Variants in AKT3 observed in about 807,000 individuals in gnomAD.
AKT3 encodes RAC-gamma serine/threonine-protein kinase.
Under a neutral mutation model 65.3 loss-of-function variants are expected in AKT3, and 15 were observed. The observed-to-expected ratio is 0.23, with a 90% CI of 0.15 to 0.35. AKT3 has a LOEUF of 0.35. Ranked by LOEUF, AKT3 falls within the 10% of genes least tolerant of loss-of-function variation. The pLI, the probability that AKT3 is intolerant of heterozygous loss-of-function variation, is 1.00. For synonymous variants in AKT3, 206 were observed against 183.8 expected (o/e 1.12, Z -0.98); for missense variants, 243 against 576.5 (o/e 0.42, Z 5.92).
intron 3 of AKT3, among the ~76,000 whole-genome samples, chr1:243,677,651 G>A (rs1020635497): frequency 6.6e-5 from 10 of 151,990 alleles, no homozygotes; most frequent in Admixed American, 6.6e-4. Flanking sequence ...AGGAAAAGGT[G>A]AAAGGAGTAG....
At chr1:243,580,507 G>A (rs1005761935) in intron 8 of AKT3, among the ~76,000 whole-genome samples, 2 of 152,228 alleles carry the variant, frequency 1.3e-5, no homozygotes, top group African/African-American at 2.4e-5. Context: ...TGGCTGCACA[G>A]GCATGTCAGT....
rs6688559 is a variant in AKT3, at chr1:243,711,245, T to C, written c.47-15529A>G. Among the ~76,000 whole-genome samples, 192 of 152,188 alleles carry C rather than the reference T, an allele frequency of 1.3e-3. 2 individuals are homozygous for C. The highest frequency in any genetic ancestry group is 0.012 in the South Asian group (57 of 4,820). On this transcript the variant is annotated intron_variant, in intron 2 of 13. Transcript: ENST00000673466. ...GAGGCAGGAGAATCGCTTGAAACCC[T>C]TGAACCCAGGAGGTGGAGGTTGCAG...
intron 3 of AKT3, among the ~76,000 whole-genome samples, chr1:243,676,130 A>G (rs1240535472): frequency 6.6e-6 from 1 of 152,228 alleles, no homozygotes; most frequent in Non-Finnish European, 1.5e-5. Context: ...AATATGAAGA[A>G]AAATAAGGCA....
At chr1:243,834,204 CAT>C (rs1694737204) in intron 2 of AKT3, among the ~76,000 whole-genome samples, 1 of 152,068 alleles carries the variant, frequency 6.6e-6, no homozygotes, top group South Asian at 2.1e-4. Context: ...CATAAAGACA[CAT>C]GTACACATAT....
chr1:243,718,848 A>G (rs1189843719), intron 2 of AKT3, among the ~76,000 whole-genome samples: 2 of 152,186 alleles, frequency 1.3e-5, no homozygotes, highest in Non-Finnish European at 2.9e-5. Flanking sequence ...TCTATCCAAT[A>G]TTTTGCATGT....
At chr1:243,807,688 G>C (rs1407844912) in intron 2 of AKT3, among the ~76,000 whole-genome samples, 1 of 152,326 alleles carries the variant, frequency 6.6e-6, no homozygotes, top group South Asian at 2.1e-4. Flanking sequence ...GACAGTAGTG[G>C]TTCTCCCAGC....
downstream of AKT3, among the ~76,000 whole-genome samples, chr1:243,495,371 C>G (rs1005376987): frequency 2.6e-5 from 4 of 152,222 alleles, no homozygotes; most frequent in Non-Finnish European, 5.9e-5. Flanking sequence ...GGCCCTGTTC[C>G]TTTCTCGGAG....
intron 2 of AKT3, among the ~76,000 whole-genome samples, chr1:243,814,082 A>T (rs762788377): frequency 6.6e-6 from 1 of 152,210 alleles, no homozygotes; most frequent in Non-Finnish European, 1.5e-5. Flanking sequence ...ACAGAGTGAG[A>T]TCAGGTCACA....
rs749778855 is a variant in AKT3 at position 243,504,027 on chromosome 1, C to T, written c.*1222G>A. 1.8e-5 allele frequency: 4 copies of T among 225,406 alleles called. No individual in the cohort carries two copies. Among genetic ancestry groups the T allele is most frequent in the Non-Finnish European group, 2.7e-5 (3 of 112,832 alleles). The allele number at this position is 225,406 out of a possible 1,614,324, so 14.0% of individuals were successfully genotyped here. On this transcript the variant is annotated 3_prime_UTR_variant, in exon 14 of 14. Transcript: ENST00000673466. ...GTACCAAGGGGTTAAATGGCAGCAT[C>T]TCTTCTCCCAAAGCCAAATTCTAAC...
chr1:243,843,324 G>C, intron 1 of AKT3, 42 bp from the exon 2 acceptor site: 16 of 1,372,910 alleles, frequency 1.2e-5, no homozygotes, highest in Non-Finnish European at 1.5e-5. Flanking sequence ...TTCCATTCTT[G>C]CAACTCACAG....
intron 12 of AKT3, among the ~76,000 whole-genome samples, chr1:243,521,029 G>A (rs2148386112): frequency 6.6e-6 from 1 of 152,272 alleles, no homozygotes; most frequent in South Asian, 2.1e-4. Context: ...CTGAAGGTAA[G>A]AGATTCCACA....
At chr1:243,536,123 A>G (rs777740464) in intron 12 of AKT3, among the ~76,000 whole-genome samples, 4 of 152,138 alleles carry the variant, frequency 2.6e-5, no homozygotes, top group Non-Finnish European at 4.4e-5. Context: ...TCTGGGTATT[A>G]GCCCTTTTTC....
intron 13 of AKT3, among the ~76,000 whole-genome samples, chr1:243,489,798 C>T (rs1665933447): frequency 6.6e-6 from 1 of 152,182 alleles, no homozygotes; most frequent in African/African-American, 2.4e-5. Flanking sequence ...GAGGCTAAGC[C>T]TGACTCCACA....
chr1:243,832,487 A>T (rs1266735681), intron 2 of AKT3, among the ~76,000 whole-genome samples: 1 of 152,204 alleles, frequency 6.6e-6, no homozygotes, highest in Non-Finnish European at 1.5e-5. Context: ...AACTTGTATC[A>T]GACTAACCCT....
At chr1:243,584,804 C>A (rs1011945476) in intron 8 of AKT3, among the ~76,000 whole-genome samples, 2 of 152,056 alleles carry the variant, frequency 1.3e-5, no homozygotes, top group Non-Finnish European at 2.9e-5. Context: ...ACTGAACAGG[C>A]AAAAACTGGA....
At chr1:243,833,476 C>A (rs1694673366) in intron 2 of AKT3, among the ~76,000 whole-genome samples, 1 of 151,978 alleles carries the variant, frequency 6.6e-6, no homozygotes, top group Admixed American at 6.5e-5. Context: ...AACTCGATAA[C>A]ACGAGAACAG....
chr1:243,842,779 T>C (rs1695323924), intron 2 of AKT3, among the ~76,000 whole-genome samples: 1 of 152,198 alleles, frequency 6.6e-6, no homozygotes, highest in East Asian at 1.9e-4. Context: ...TAAATGCATA[T>C]AGGATCGTAC....
At chr1:243,691,725 C>T (rs143299276) in intron 3 of AKT3, among the ~76,000 whole-genome samples, 14 of 152,214 alleles carry the variant, frequency 9.2e-5, no homozygotes, top group Non-Finnish European at 1.5e-4. Flanking sequence ...TATCTTAGGA[C>T]GTACCTGGTC....
chr1:243,789,516 A>G (rs1057258945), intron 2 of AKT3, among the ~76,000 whole-genome samples: 2 of 152,198 alleles, frequency 1.3e-5, no homozygotes, highest in African/African-American at 4.8e-5. Flanking sequence ...TGCTATTTCT[A>G]CCACATCTGC....
Sources: gnomAD v4.1 joint callset for allele counts (sites outside exome capture counted in the v4.1 genomes callset) on GRCh38, gnomAD v4.1.1 for gene constraint, MANE v1.5 for transcripts, NCBI Gene and HGNC (gene_info 2026-07-23, HGNC 2026-07-21) for gene names.